The following CNNM2 variants were observed in gnomAD, a reference collection of about 807,000 sequenced individuals.
The protein encoded by CNNM2 is cyclin and CBS domain divalent metal cation transport mediator 2.
In CNNM2, 12 loss-of-function variants were observed where a neutral mutation model predicts 66.9. That is an observed-to-expected ratio of 0.18 (90% CI 0.11 to 0.29). CNNM2 has a LOEUF of 0.29. Ranked by LOEUF, CNNM2 falls within the 10% of genes least tolerant of loss-of-function variation. CNNM2 has a pLI of 1.00. For synonymous variants in CNNM2, 557 were observed against 501.8 expected, an observed-to-expected ratio of 1.11 and a Z score of -1.47; for missense variants, 705 against 1,167.7, an observed-to-expected ratio of 0.60 and a Z score of 5.77.
intron 4 of CNNM2, among the ~76,000 whole-genome samples, chr10:103,062,599 A>G (rs1042492109): frequency 6.6e-6 from 1 of 152,212 alleles, no homozygotes; most frequent in African/African-American, 2.4e-5. Context: ...TATCAAATGA[A>G]TAAATTCTCA....
chr10:102,958,456 CTTG>C (rs1408517309), intron 1 of CNNM2, among the ~76,000 whole-genome samples: 61 of 114,246 alleles, frequency 5.3e-4, no homozygotes, highest in African/African-American at 1.8e-3. Context: ...ATTCAAGCAA[CTTG>C]TTTTTTTTTT....
intron 1 of CNNM2, among the ~76,000 whole-genome samples, chr10:102,983,187 A>G (rs1015011366): frequency 1.1e-4 from 16 of 151,762 alleles, no homozygotes; most frequent in African/African-American, 3.6e-4. Flanking sequence ...TCTAAATATT[A>G]TATTTCTTAT....
chr10:102,926,568 G>A (rs961638244), intron 1 of CNNM2, among the ~76,000 whole-genome samples: 26 of 152,040 alleles, frequency 1.7e-4, no homozygotes, highest in Non-Finnish European at 1.5e-5. Context: ...TCAAAACAGG[G>A]TCTTGCTCTG....
chr10:102,943,529 C>T (rs1231584019), intron 1 of CNNM2, among the ~76,000 whole-genome samples: 1 of 152,072 alleles, frequency 6.6e-6, no homozygotes, highest in East Asian at 1.9e-4. Context: ...CTATATGCAT[C>T]TAATTTTCTT....
chr10:103,076,878 C>G, intron 7 of CNNM2, 93 bp from the exon 8 acceptor site: 3 of 1,121,590 alleles, frequency 2.7e-6, no homozygotes. Context: ...AGAGAGGCTG[C>G]TGTGGGCCTG....
intron 1 of CNNM2, among the ~76,000 whole-genome samples, chr10:102,937,259 T>C (rs1846270973): frequency 6.6e-6 from 1 of 152,170 alleles, no homozygotes; most frequent in African/African-American, 2.4e-5. Flanking sequence ...AATAAAAGTT[T>C]GGTGAAAGCC....
Position 102,920,010 on chromosome 10 carries a change from C to T in CNNM2, c.1530C>T (p.Pro510=). The T allele has an allele frequency of 6.8e-6, 11 of 1,614,224 alleles. No homozygotes were observed. Among genetic ancestry groups the T allele is most frequent in the Non-Finnish European group, 9.3e-6 (11 of 1,180,038 alleles). ...LAFVDPDDCT[P]LKTITKFYNH... Reference sequence around the variant, plus strand: ...TCGTGGATCCCGATGACTGTACCCCCCTGAAAACCATCACCAAATTTTATA... The same window carrying T: ...TCGTGGATCCCGATGACTGTACCCCTCTGAAAACCATCACCAAATTTTATA... Residue 510 remains proline, a synonymous_variant, in exon 1 of 8, where the codon CCC becomes CCT. Coordinates refer to ENST00000369878, the MANE Select transcript of CNNM2 (RefSeq NM_017649.5).
At position 102,982,564 on chromosome 10, in the gene CNNM2, C is replaced by T. The variant is rs541785871; in HGVS notation, c.1621+62463C>T. Among the ~76,000 whole-genome samples, 19 of 152,312 alleles carry T rather than the reference C, an allele frequency of 1.2e-4. No individual in the cohort carries two copies. In the South Asian group the frequency reaches 2.9e-3, roughly 23 times the overall value. On this transcript the variant is annotated intron_variant, in intron 1 of 7. Transcript: ENST00000369878. ...CTGGCCCAGCTTTGGGCTGTTTGCT[C>T]GGCCTAGCTGCATTCCCCTGTGTAA...
chr10:103,056,635 G>T (rs2065301534), intron 3 of CNNM2, 160 bp from the exon 4 acceptor site: 3 of 666,136 alleles, frequency 4.5e-6, no homozygotes, highest in Non-Finnish European at 7.8e-6. Context: ...TTTCTCCCAG[G>T]TAATCTGTCC....
At chr10:102,946,497 C>T (rs552878019) in intron 1 of CNNM2, among the ~76,000 whole-genome samples, 10 of 152,158 alleles carry the variant, frequency 6.6e-5, no homozygotes, top group East Asian at 5.8e-4. Flanking sequence ...AAGTCTCTCA[C>T]GGGGGTAATT....
At chr10:103,038,332 T>A (rs1221160073) in intron 1 of CNNM2, among the ~76,000 whole-genome samples, 1 of 152,166 alleles carries the variant, frequency 6.6e-6, no homozygotes, top group Non-Finnish European at 1.5e-5. Context: ...ATTCAACCAG[T>A]CAATTTTAAA....
intron 4 of CNNM2, among the ~76,000 whole-genome samples, chr10:103,059,631 A>T (rs917771729): frequency 2.0e-5 from 3 of 152,246 alleles, no homozygotes; most frequent in African/African-American, 7.2e-5. Context: ...ACAGTAAATC[A>T]TGGAAAAAAC....
chr10:103,075,953 T>C (rs1011021331), intron 6 of CNNM2, 133 bp from the exon 7 acceptor site: 7 of 804,410 alleles, frequency 8.7e-6, no homozygotes, highest in African/African-American at 1.7e-5. Flanking sequence ...TCTGGCATAC[T>C]GTGCGGCCGA....
At position 103,089,406 on chromosome 10, in the gene CNNM2, G is replaced by A. The variant is rs1046945078; in HGVS notation, c.*12226G>A. The stretch of plus-strand genomic sequence containing the variant: ...TTTAAAAGTGTCACAAGCCACAGTG[G>A]AGCCATATACATGCAGTTCAGCCTG... On this transcript the variant is annotated 3_prime_UTR_variant, in exon 8 of 8. Transcript: ENST00000369878. The A allele has an allele frequency of 2.3e-5, 8 of 352,806 alleles. No individual in the cohort carries two copies. Among genetic ancestry groups the A allele is most frequent in the Admixed American group, 9.1e-5 (2 of 22,008 alleles). 21.9% of individuals were successfully genotyped at this position (352,806 alleles called of 1,614,324 possible). A position where few individuals can be genotyped will look rare whatever the true frequency, so the allele number is the denominator to read the frequency against.
At chr10:102,975,861 A>C (rs2063620900) in intron 1 of CNNM2, among the ~76,000 whole-genome samples, 1 of 152,152 alleles carries the variant, frequency 6.6e-6, no homozygotes, top group South Asian at 2.1e-4. Context: ...GCCCCTCTGG[A>C]ATTTGGCCCC....
intron 4 of CNNM2, among the ~76,000 whole-genome samples, chr10:103,058,983 G>C (rs1435150113): frequency 6.6e-6 from 1 of 152,054 alleles, no homozygotes; most frequent in Non-Finnish European, 1.5e-5. Context: ...TTTGTTTTTT[G>C]TTTGTTTTGA....
chr10:103,027,907 G>C (rs890682374), intron 1 of CNNM2, among the ~76,000 whole-genome samples: 1 of 152,122 alleles, frequency 6.6e-6, no homozygotes, highest in Non-Finnish European at 1.5e-5. Context: ...CGGTCAAAGT[G>C]GGAGGCCATG....
At position 103,081,496 on chromosome 10, in the gene CNNM2, T is replaced by G. The variant is rs2065756671; in HGVS notation, c.*4316T>G. ...TTTTCTGATGTATCAATGAGCAACT[T>G]CTCAGTGGATTTTTATACCTCAGGG... On this transcript the variant is annotated 3_prime_UTR_variant, in exon 8 of 8. Coordinates refer to ENST00000369878, the MANE Select transcript of CNNM2 (RefSeq NM_017649.5). 1 of 152,220 alleles carries G rather than the reference T, an allele frequency of 6.6e-6. No individual in the cohort carries two copies. The highest frequency in any genetic ancestry group is 1.5e-5 in the Non-Finnish European group (1 of 68,044). 9.4% of individuals were successfully genotyped at this position (152,220 alleles called of 1,614,324 possible).
intron 6 of CNNM2, among the ~76,000 whole-genome samples, chr10:103,075,680 C>T (rs980770763): frequency 6.6e-6 from 1 of 152,142 alleles, no homozygotes. Context: ...CTTGTTTTTA[C>T]TTCGGGCAAA....
Sources: gnomAD v4.1 joint callset for allele counts (sites outside exome capture counted in the v4.1 genomes callset) on GRCh38, gnomAD v4.1.1 for gene constraint, MANE v1.5 for transcripts, NCBI Gene and HGNC (gene_info 2026-07-23, HGNC 2026-07-21) for gene names.